PRKD2: variants seen among roughly 807,000 people sequenced by gnomAD.
PRKD2 encodes the protein serine/threonine-protein kinase D2.
Under a neutral mutation model 86.0 loss-of-function variants are expected in PRKD2, and 22 were observed. The observed-to-expected ratio is 0.26, with a 90% confidence interval of 0.18 to 0.37. The LOEUF (loss-of-function observed/expected upper bound fraction) is 0.37. Among genes scored for constraint, PRKD2 ranks in the 10% least tolerant of loss-of-function variants. The probability of loss-of-function intolerance (pLI) is 1.00; values close to 1 mark genes in which losing one functional copy is unlikely to be tolerated. For synonymous variants in PRKD2, 509 were observed against 510.9 expected (o/e 1.00, Z 0.05); for missense variants, 818 against 1,199.2 (o/e 0.68, Z 4.70).
At chr19:46,697,043 G>C (rs1022024642) in intron 9 of PRKD2, 114 bp downstream of exon 9, 6 of 878,146 alleles carry the variant, frequency 6.8e-6, no homozygotes, top group Middle Eastern at 2.7e-4. Flanking sequence ...GCTGGGGGTG[G>C]GCAGAGGGTG....
intron 5 of PRKD2, 130 bp from the exon 6 acceptor site, chr19:46,701,242 T>G: frequency 1.0e-6 from 1 of 966,554 alleles, no homozygotes; most frequent in South Asian, 1.4e-5. Flanking sequence ...CACTGGCTGC[T>G]GCTGCCCTGG....
chr19:46,681,812 G>T, intron 14 of PRKD2, 64 bp from the exon 15 acceptor site: 1 of 1,005,650 alleles, frequency 9.9e-7, no homozygotes, highest in Non-Finnish European at 1.6e-6. Flanking sequence ...CCCAACCTCA[G>T]CAGCCAGCCC....
intron 2 of PRKD2, among the ~76,000 whole-genome samples, chr19:46,713,216 G>A (rs1277996514): frequency 2.8e-5 from 4 of 144,104 alleles, no homozygotes. Flanking sequence ...TTTAAGAGAT[G>A]GGGTCTCCTT....
chr19:46,704,479 T>A lies in PRKD2; in HGVS notation c.666+16A>T, dbSNP rs2053683097. On this transcript the variant is annotated intron_variant, in intron 4 of 17. Transcript: ENST00000291281. ...CCCCCCTAGCCACCAACCCGTCCCA[T>A]CCCCCATCTCCTCACCAGCTCTTCA... The A allele has an allele frequency of 6.2e-7, 1 of 1,613,828 alleles. No homozygotes were observed. Among genetic ancestry groups the A allele is most frequent in the Non-Finnish European group, 8.5e-7 (1 of 1,179,970 alleles).
intron 14 of PRKD2, chr19:46,688,741 C>G (rs897435990): frequency 2.0e-5 from 3 of 152,028 alleles, no homozygotes. Context: ...CTGGCATACT[C>G]TTTATTTTTA....
At chr19:46,710,440 T>A in intron 3 of PRKD2, 1 of 153,732 alleles carries the variant, frequency 6.5e-6, no homozygotes, top group Non-Finnish European at 1.4e-5. Context: ...CACCTACCTT[T>A]GCCTCCCAAA....
At chr19:46,674,933 A>T (rs1369203442) in intron 17 of PRKD2, 100 bp downstream of exon 17, 2 of 1,304,862 alleles carry the variant, frequency 1.5e-6, no homozygotes, top group Non-Finnish European at 2.1e-6. Context: ...TCCAGACCCA[A>T]GGAAACCTAC....
chr19:46,715,358 C>T (rs544064912), intron 1 of PRKD2, among the ~76,000 whole-genome samples: 21 of 152,296 alleles, frequency 1.4e-4, no homozygotes, highest in African/African-American at 5.1e-4. Flanking sequence ...TATTTGAACA[C>T]GAACATGGGG....
chr19:46,689,770 G>A, intron 13 of PRKD2, 72 bp from the exon 14 acceptor site: 12 of 1,545,116 alleles, frequency 7.8e-6, no homozygotes, highest in Non-Finnish European at 9.7e-6. Flanking sequence ...AGGTATAGGA[G>A]CAGGAGGATG....
At position 46,704,579 on chromosome 19, in the gene PRKD2, C is replaced by T; in HGVS notation, c.582G>A (p.Arg194=). The T allele has an allele frequency of 6.2e-7, 1 of 1,614,066 alleles. No individual in the cohort carries two copies. The highest frequency in any genetic ancestry group is 2.2e-5 in the East Asian group (1 of 44,876). The change falls in exon 4 of 18, where the codon CGG becomes CGA. Residue 194 remains arginine (R), a synonymous_variant. Coordinates refer to ENST00000291281, the MANE Select transcript of PRKD2 (RefSeq NM_016457.5). ...IPNNCSGARK[R]RLSSTSLASG... is the part of the protein sequence containing the mutation. Reference sequence around the variant, plus strand: ...TGGCCAGAGACGTGGATGACAGGCGCCGTTTGCGGGCCCCACTACAGTTGT... The same window carrying T: ...TGGCCAGAGACGTGGATGACAGGCGTCGTTTGCGGGCCCCACTACAGTTGT...
Position 46,675,116 on chromosome 19 carries a change from T to C in PRKD2, c.2341A>G (p.Ile781Val), listed in dbSNP as rs1469763918. The C allele has an allele frequency of 6.2e-7, 1 of 1,609,064 alleles. No homozygotes were observed. The highest frequency in any genetic ancestry group is 8.5e-7 in the Non-Finnish European group (1 of 1,177,182). ...SPWSHISAGA[I>V]DLINNLLQVK... ...TGCAGCAGGTTGTTGATGAGGTCAATGGCTGCACAGGAAAGAGAAACAGGT... is the reference window on the plus strand; with the variant it reads ...TGCAGCAGGTTGTTGATGAGGTCAACGGCTGCACAGGAAAGAGAAACAGGT... Residue 781 changes from isoleucine (I) to valine (V), a missense_variant and splice_region_variant, in exon 17 of 18, where the codon ATT (isoleucine) becomes GTT (valine). By Grantham distance (29) the Ile-to-Val change is conservative. This residue lies in a region of PRKD2 where 132 missense variants were observed against 146.2 expected (regional missense o/e 0.90). Coordinates refer to ENST00000291281, the MANE Select transcript of PRKD2 (RefSeq NM_016457.5).
At chr19:46,715,961 G>A (rs2053875857) in intron 1 of PRKD2, among the ~76,000 whole-genome samples, 170 bp downstream of exon 1, 1 of 152,238 alleles carries the variant, frequency 6.6e-6, no homozygotes, top group African/African-American at 2.4e-5. Context: ...CTCTCTCAAA[G>A]GGATGGTGGG....
At chr19:46,711,207 A>G (rs1357848484) in intron 2 of PRKD2, among the ~76,000 whole-genome samples, 169 bp from the exon 3 acceptor site, 1 of 151,868 alleles carries the variant, frequency 6.6e-6, no homozygotes, top group Non-Finnish European at 1.5e-5. Context: ...TCCCAGCTCC[A>G]CCCCTGAACA....
At chr19:46,701,158 G>A (rs2053629623) in intron 5 of PRKD2, 46 bp from the exon 6 acceptor site, 1 of 1,586,514 alleles carries the variant, frequency 6.3e-7, no homozygotes, top group African/African-American at 1.3e-5. Context: ...GGGAAGAGAG[G>A]TTACCTGGAA....
At chr19:46,689,852 C>T in intron 13 of PRKD2, 154 bp from the exon 14 acceptor site, 1 of 777,964 alleles carries the variant, frequency 1.3e-6, no homozygotes, top group Non-Finnish European at 2.0e-6. Context: ...CAGGCCAAGA[C>T]AGAACAGGCC....
chr19:46,704,615 G>T lies in PRKD2; in HGVS notation c.546C>A (p.Phe182Leu). Residue 182 changes from phenylalanine to leucine, a missense_variant, in exon 4 of 18, where the codon TTC (phenylalanine) becomes TTA (leucine). Coordinates refer to ENST00000291281, the MANE Select transcript of PRKD2 (RefSeq NM_016457.5). The stretch of plus-strand genomic sequence containing the variant: ...CCCCACTACAGTTGTTGGGGATGCT[G>T]AAGGCACAGCGCTTGTGGTAGTTCA... ...CGLNYHKRCA[F>L]SIPNNCSGAR... 1 of 1,613,206 alleles carries T rather than the reference G, an allele frequency of 6.2e-7. No homozygotes were observed. Among genetic ancestry groups the T allele is most frequent in the East Asian group, 2.2e-5 (1 of 44,866 alleles).
rs34795467 is a variant in PRKD2, at chr19:46,689,563, G to A, written c.1945C>T (p.Arg649Cys). The A allele has an allele frequency of 1.4e-5, 22 of 1,611,876 alleles. No individual in the cohort carries two copies. Among genetic ancestry groups the A allele is most frequent in the East Asian group, 1.1e-4 (5 of 44,810 alleles). Residue 649 changes from arginine to cysteine, a missense_variant, in exon 14 of 18, where the codon CGC becomes TGC. Around this residue, in one of 5 missense-constraint regions of PRKD2, gnomAD observed 154 missense variants for 359.6 expected, o/e 0.43. Transcript: ENST00000291281. ...LSSEKGRLPE[R>C]LTKFLITQIL... ...TGGGTGATGAGGAACTTGGTGAGGC[G>A]CTCAGGCAGCCGGCCCTTCTCACTG... is the stretch of plus-strand genomic sequence containing the variant.
chr19:46,702,775 C>A (rs1459341763), intron 5 of PRKD2, among the ~76,000 whole-genome samples: 1 of 151,100 alleles, frequency 6.6e-6, no homozygotes, highest in South Asian at 2.1e-4. Flanking sequence ...GCAGCCTCAA[C>A]CTCCTGGGCT....
intron 3 of PRKD2, among the ~76,000 whole-genome samples, chr19:46,705,988 G>C (rs1294398681): frequency 2.0e-5 from 3 of 152,056 alleles, no homozygotes; most frequent in Non-Finnish European, 2.9e-5. Flanking sequence ...CTCCTGAGTA[G>C]CCAGAACCAC....
Sources: gnomAD v4.1 joint callset for allele counts (sites outside exome capture counted in the v4.1 genomes callset) on GRCh38, gnomAD v4.1.1 for gene constraint, gnomAD v4.1.1 regional missense constraint, MANE v1.5 for transcripts, NCBI Gene and HGNC (gene_info 2026-07-23, HGNC 2026-07-21) for gene names.